SPAG16: variants seen among roughly 807,000 people sequenced by gnomAD.
The protein encoded by SPAG16 is sperm-associated antigen 16 protein.
In SPAG16, 86 loss-of-function variants were observed where a neutral mutation model predicts 80.4. The ratio of observed to expected loss-of-function variants is 1.07; its 90% CI spans 0.90 to 1.28. SPAG16 has a LOEUF of 1.28. SPAG16 is among the 50% of genes most tolerant of loss of function. The pLI, the probability that SPAG16 is intolerant of heterozygous loss-of-function variation, is 0.00. For synonymous variants in SPAG16, 294 were observed against 265.9 expected (o/e 1.11, Z -1.03); for missense variants, 870 against 765.3 (o/e 1.14, Z -1.61).
rs560348436 is a variant in SPAG16 at position 213,408,051 on chromosome 2, C to CAG, written c.942+32939_942+32940dup. ...CAGGAGAGAGGCAGAGAGAGACAGG[C>CAG]AGAGAGAGGGAGAGGCAGGAGAGAG... On this transcript the variant is annotated intron_variant, in intron 9 of 15. Transcript: ENST00000331683. 2.8e-3 allele frequency among the ~76,000 whole-genome samples: 380 copies of CAG among 136,828 alleles called. 1 individual carries two copies. The highest frequency in any genetic ancestry group is 0.01 in the African/African-American group (367 of 35,946). The allele number at this position is 136,828 out of a possible 152,430, so 89.8% of individuals were successfully genotyped here. A position where few individuals can be genotyped will look rare whatever the true frequency, so the allele number is the denominator to read the frequency against.
At chr2:213,318,416 C>A (rs2063487588) in intron 5 of SPAG16, among the ~76,000 whole-genome samples, 1 of 151,864 alleles carries the variant, frequency 6.6e-6, no homozygotes, top group African/African-American at 2.4e-5. Context: ...AGTCAAAAAC[C>A]ACATATTCTC....
intron 8 of SPAG16, among the ~76,000 whole-genome samples, chr2:213,368,365 A>G (rs1325326747): frequency 6.6e-6 from 1 of 152,174 alleles, no homozygotes; most frequent in Admixed American, 6.5e-5. Flanking sequence ...TTGAATCTAT[A>G]CACTTCATGC....
At chr2:213,517,825 A>G (rs927784453) in intron 10 of SPAG16, among the ~76,000 whole-genome samples, 1 of 152,186 alleles carries the variant, frequency 6.6e-6, no homozygotes, top group Non-Finnish European at 1.5e-5. Context: ...AAAGATTTAA[A>G]TGTAAGACCT....
intron 11 of SPAG16, among the ~76,000 whole-genome samples, chr2:213,899,525 C>T (rs1575494310): frequency 1.3e-5 from 2 of 151,962 alleles, no homozygotes; most frequent in African/African-American, 4.8e-5. Context: ...GGATTTAAAG[C>T]CTCTTCCAGG....
rs192627378 is a variant in SPAG16, at chr2:213,716,209, A to G, written c.1071-146276A>G. On this transcript the variant is annotated intron_variant, in intron 10 of 15. Transcript: ENST00000331683. ...CAAATTAATAAATTGAAGATGCAAT[A>G]CAGTATTCAATTTGCTGCAAAACTC... Among the ~76,000 whole-genome samples, 290 of 152,308 alleles carry G rather than the reference A, an allele frequency of 1.9e-3. 4 individuals carry two copies. Among genetic ancestry groups the G allele is most frequent in the South Asian group, 7.3e-3 (35 of 4,826 alleles).
intron 7 of SPAG16, among the ~76,000 whole-genome samples, chr2:213,355,349 T>C: frequency 6.9e-6 from 1 of 144,174 alleles, no homozygotes; most frequent in East Asian, 2.2e-4. Flanking sequence ...CTATGCAGGC[T>C]CTTTTTTGGT....
chr2:214,221,159 C>A (rs374358173), intron 15 of SPAG16, among the ~76,000 whole-genome samples: 16 of 152,160 alleles, frequency 1.1e-4, no homozygotes, highest in African/African-American at 3.4e-4. Context: ...GTTTGATATG[C>A]ATATGAAATT....
rs1275097045 is a variant in SPAG16 at position 213,642,688 on chromosome 2, G to A, written c.1070+152598G>A. 3.9e-5 allele frequency among the ~76,000 whole-genome samples: 4 copies of A among 102,366 alleles called. 1 individual carries two copies. The highest frequency in any genetic ancestry group is 1.9e-4 in the African/African-American group (4 of 21,358). The allele number at this position is 102,366 out of a possible 152,430, so 67.2% of individuals were successfully genotyped here. ...TACAAAAAATTAGCCGGGCGTAGTG[G>A]CGGGCGCCTGTAGTCCCAGCTACTT... On this transcript the variant is annotated intron_variant, in intron 10 of 15. Transcript: ENST00000331683.
intron 11 of SPAG16, among the ~76,000 whole-genome samples, chr2:213,914,229 A>G (rs767169446): frequency 1.8e-4 from 27 of 152,146 alleles, no homozygotes; most frequent in Non-Finnish European, 3.4e-4. Flanking sequence ...TATTAATTTA[A>G]ATAACTATAG....
intron 9 of SPAG16, among the ~76,000 whole-genome samples, chr2:213,462,083 G>A (rs2072403308): frequency 6.6e-6 from 1 of 152,196 alleles, no homozygotes; most frequent in African/African-American, 2.4e-5. Context: ...AGTGTTGATG[G>A]TGACACATTA....
intron 10 of SPAG16, among the ~76,000 whole-genome samples, chr2:213,657,290 G>T (rs2125167907): frequency 6.6e-6 from 1 of 152,180 alleles, no homozygotes; most frequent in South Asian, 2.1e-4. Context: ...TTCAATGAAG[G>T]CACTTAATCT....
rs550893145 is a variant in SPAG16, at chr2:213,956,026, C to T, written c.1400+25881C>T. 3.3e-5 allele frequency among the ~76,000 whole-genome samples: 5 copies of T among 151,966 alleles called. No homozygotes were observed. The East Asian group carries it at 7.7e-4, about 24-fold the overall frequency. ...GCTCTTGTCTCCCAGGCAACAATCT[C>T]GGCTCACTGCAATCTCCGCCTCCCA... On this transcript the variant is annotated intron_variant, in intron 12 of 15. Transcript: ENST00000331683.
chr2:213,830,858 T>C (rs1199993577), intron 10 of SPAG16, among the ~76,000 whole-genome samples: 2 of 152,124 alleles, frequency 1.3e-5, no homozygotes, highest in Non-Finnish European at 2.9e-5. Context: ...TTTATGCATT[T>C]GTCTTTCGGG....
chr2:214,098,475 T>C (rs1312251641), intron 13 of SPAG16, among the ~76,000 whole-genome samples: 1 of 151,978 alleles, frequency 6.6e-6, no homozygotes, highest in East Asian at 1.9e-4. Context: ...AGGACACAGA[T>C]AGACACAGAT....
At chr2:214,371,670 T>C (rs567449512) in intron 15 of SPAG16, among the ~76,000 whole-genome samples, 3 of 142,226 alleles carry the variant, frequency 2.1e-5, no homozygotes, top group Non-Finnish European at 4.5e-5. Flanking sequence ...TATAAATATA[T>C]AGTTATAGAT....
chr2:213,738,148 G>A (rs1256252582), intron 10 of SPAG16, among the ~76,000 whole-genome samples: 2 of 152,140 alleles, frequency 1.3e-5, no homozygotes, highest in African/African-American at 4.8e-5. Flanking sequence ...ACTGTAAATT[G>A]ATTACATTCT....
At chr2:213,674,830 T>C (rs1240293378) in intron 10 of SPAG16, among the ~76,000 whole-genome samples, 5 of 150,226 alleles carry the variant, frequency 3.3e-5, no homozygotes, top group Non-Finnish European at 7.3e-5. Flanking sequence ...TTGTGAATAG[T>C]GCCGCGATAA....
chr2:213,529,529 G>A (rs933587392), intron 10 of SPAG16, among the ~76,000 whole-genome samples: 1 of 152,188 alleles, frequency 6.6e-6, no homozygotes, highest in African/African-American at 2.4e-5. Context: ...TCTGAGAAGT[G>A]TGTCCTTAGG....
intron 11 of SPAG16, among the ~76,000 whole-genome samples, chr2:213,920,456 C>G (rs1370195695): frequency 6.6e-6 from 1 of 152,210 alleles, no homozygotes; most frequent in African/African-American, 2.4e-5. Flanking sequence ...CACGTACACA[C>G]ATGTTGGCAA....
Sources: gnomAD v4.1 joint callset for allele counts (sites outside exome capture counted in the v4.1 genomes callset) on GRCh38, gnomAD v4.1.1 for gene constraint, MANE v1.5 for transcripts, NCBI Gene and HGNC (gene_info 2026-07-23, HGNC 2026-07-21) for gene names.